The following SAMD8 variants were observed in gnomAD, a reference collection of about 807,000 sequenced individuals.
The protein encoded by SAMD8 is sphingomyelin synthase-related protein 1.
Under a neutral mutation model 42.0 loss-of-function variants are expected in SAMD8, and 20 were observed. The ratio of observed to expected loss-of-function variants is 0.48; its 90% CI spans 0.34 to 0.69. The LOEUF is 0.69. Ranked by LOEUF, SAMD8 falls within the 30% of genes least tolerant of loss-of-function variation. The pLI, the probability that SAMD8 is intolerant of heterozygous loss-of-function variation, is 0.01. For missense variants in SAMD8, 328 were observed against 511.6 expected, an observed-to-expected ratio of 0.64 and a Z score of 3.46; for synonymous variants, 162 against 173.0, an observed-to-expected ratio of 0.94 and a Z score of 0.50.
chr10:75,134,628 T>TC (rs1849344755), intron 1 of SAMD8, among the ~76,000 whole-genome samples: 1 of 148,118 alleles, frequency 6.8e-6, no homozygotes, highest in Admixed American at 6.6e-5. Flanking sequence ...GAGTGAGACT[T>TC]TCCCCCCCCC....
At position 75,168,580 on chromosome 10, in the gene SAMD8, T is replaced by A. The variant is rs764891787; in HGVS notation, c.714T>A (p.Thr238=). ...LLRRLCSLMG[T]VFLLRCFTMF... is the part of the protein sequence containing the mutation. ...GAAGGCTCTGTAGTCTGATGGGAACTGTATTCTTGCTTCGCTGCTTTACCA... is the reference window on the plus strand; with the variant it reads ...GAAGGCTCTGTAGTCTGATGGGAACAGTATTCTTGCTTCGCTGCTTTACCA... The change falls in exon 4 of 6, where the codon ACT becomes ACA. Residue 238 remains threonine, a synonymous_variant. Transcript: ENST00000542569. The A allele has an allele frequency of 6.2e-7, 1 of 1,613,992 alleles. No homozygotes were observed. Among genetic ancestry groups the A allele is most frequent in the South Asian group, 1.1e-5 (1 of 91,080 alleles).
intron 1 of SAMD8, among the ~76,000 whole-genome samples, chr10:75,117,588 G>A (rs1010209387): frequency 3.9e-5 from 6 of 152,040 alleles, no homozygotes; most frequent in East Asian, 1.9e-4. Context: ...GTGGTGGCAC[G>A]TACCTGTAAT....
intron 1 of SAMD8, among the ~76,000 whole-genome samples, chr10:75,138,643 C>A (rs768588095): frequency 6.6e-6 from 1 of 152,020 alleles, no homozygotes; most frequent in South Asian, 2.1e-4. Flanking sequence ...ATACTGAGTT[C>A]TTTTGCTCTT....
intron 2 of SAMD8, among the ~76,000 whole-genome samples, chr10:75,154,998 TCTC>T (rs576159070): frequency 6.6e-6 from 1 of 152,220 alleles, no homozygotes; most frequent in East Asian, 1.9e-4. Flanking sequence ...GCTCAAGTGA[TCTC>T]CTTCCTTAGC....
intron 1 of SAMD8, among the ~76,000 whole-genome samples, chr10:75,124,799 T>G (rs1321927972): frequency 7.3e-6 from 1 of 136,914 alleles, no homozygotes; most frequent in Non-Finnish European, 1.6e-5. Flanking sequence ...CAATTTTTCT[T>G]TCTTTTTTTC....
rs534202205 is a variant in SAMD8, at chr10:75,147,429, C to T, written c.-15-3085C>T. Among the ~76,000 whole-genome samples the T allele has an allele frequency of 1.5e-4, 23 of 152,242 alleles. No individual in the cohort carries two copies. The East Asian group carries it at 3.5e-3, about 23-fold the overall frequency. ...GCAACCTTTGCCTGCCAGGTTCAAG[C>T]GGTTCTCTGCCTCAACCTCCCTAGT... On this transcript the variant is annotated intron_variant, in intron 1 of 5. Coordinates refer to ENST00000542569, the MANE Select transcript of SAMD8 (RefSeq NM_001174156.2).
chr10:75,166,294 G>A (rs371402580), intron 3 of SAMD8, among the ~76,000 whole-genome samples: 3 of 151,782 alleles, frequency 2.0e-5, no homozygotes, highest in East Asian at 1.9e-4. Context: ...AAAAAACAAG[G>A]CATTGTAAAC....
chr10:75,168,308 C>A, intron 3 of SAMD8: 1 of 398,604 alleles, frequency 2.5e-6, no homozygotes, highest in Non-Finnish European at 3.4e-6. Context: ...ATTTCAAGTC[C>A]GTAAGATCCA....
At chr10:75,136,625 A>G (rs1839891226) in intron 1 of SAMD8, among the ~76,000 whole-genome samples, 1 of 152,190 alleles carries the variant, frequency 6.6e-6, no homozygotes, top group Admixed American at 6.6e-5. Flanking sequence ...CTTCTACTAC[A>G]ATATTTAAAT....
intron 1 of SAMD8, among the ~76,000 whole-genome samples, chr10:75,124,576 G>T (rs987049148): frequency 6.8e-6 from 1 of 146,466 alleles, no homozygotes; most frequent in African/African-American, 2.5e-5. Context: ...TGGTACCATT[G>T]CACTCCAGCC....
intron 1 of SAMD8, among the ~76,000 whole-genome samples, chr10:75,125,038 C>T (rs1849098627): frequency 6.6e-6 from 1 of 152,210 alleles, no homozygotes; most frequent in South Asian, 2.1e-4. Context: ...CCTCCCGCCT[C>T]CAGCTACCAG....
chr10:75,110,811 A>G (rs545506263), upstream of SAMD8, among the ~76,000 whole-genome samples: 16 of 152,098 alleles, frequency 1.1e-4, no homozygotes, highest in African/African-American at 3.6e-4. Flanking sequence ...CCCTTGCAGA[A>G]TTAGCACTAG....
chr10:75,112,334 A>G (rs1363399211), intron 1 of SAMD8, among the ~76,000 whole-genome samples: 1 of 152,208 alleles, frequency 6.6e-6, no homozygotes, highest in African/African-American at 2.4e-5. Flanking sequence ...ACTGAAAAAG[A>G]GAAGTGTGGT....
Position 75,102,273 on chromosome 10 carries a change from G to A in SAMD8, c.-16+2545G>A, listed in dbSNP as rs547784364. On this transcript the variant is annotated intron_variant, in intron 1 of 3. Transcript: ENST00000447533. Reference sequence around the variant, plus strand: ...GGGTGGGTCATGAGGTCAGGAGATCGAGACCATCCTGGCTAACAGGCTAGC... The same window carrying A: ...GGGTGGGTCATGAGGTCAGGAGATCAAGACCATCCTGGCTAACAGGCTAGC... Among the ~76,000 whole-genome samples, 18 of 152,154 alleles carry A rather than the reference G, an allele frequency of 1.2e-4. No homozygotes were observed. The East Asian group carries it at 2.7e-3, about 23-fold the overall frequency.
chr10:75,111,428 A>G (rs1487716123), upstream of SAMD8: 1 of 1,002,498 alleles, frequency 1.0e-6, no homozygotes, highest in East Asian at 3.4e-5. Flanking sequence ...CGTCTTTTCC[A>G]GTGTGGGCCC....
rs745478377 is a variant in SAMD8 at position 75,150,836 on chromosome 10, C to T, written c.308C>T (p.Ala103Val). The change falls in exon 2 of 6, where the codon GCT becomes GTT. Residue 103 changes from alanine (A) to valine (V), a missense_variant. Around this residue, in one of 2 missense-constraint regions of SAMD8, gnomAD observed 150 missense variants for 186.0 expected, o/e 0.81. Coordinates refer to ENST00000542569, the MANE Select transcript of SAMD8 (RefSeq NM_001174156.2). The part of the protein sequence containing the change: ...PMGSMTPFIS[A>V]LQSTDWLCNG... ...GGTTCCATGACCCCTTTCATCAGTG[C>T]TCTTCAGAGTACAGACTGGCTCTGT... The T allele has an allele frequency of 1.2e-6, 2 of 1,614,098 alleles. No individual in the cohort carries two copies. Among genetic ancestry groups the T allele is most frequent in the Non-Finnish European group, 8.5e-7 (1 of 1,179,976 alleles).
At chr10:75,160,169 A>T (rs577105655) in intron 2 of SAMD8, among the ~76,000 whole-genome samples, 1 of 152,166 alleles carries the variant, frequency 6.6e-6, no homozygotes, top group Non-Finnish European at 1.5e-5. Context: ...ATCAGTGTTC[A>T]TAGTGATGAC....
intron 1 of SAMD8, among the ~76,000 whole-genome samples, chr10:75,120,884 G>A (rs578258361): frequency 4.1e-4 from 61 of 148,000 alleles, no homozygotes; most frequent in South Asian, 4.3e-4. Flanking sequence ...AGGTTCAAGC[G>A]ATTCTCTTGC....
chr10:75,155,629 G>A (rs903678037), intron 2 of SAMD8, among the ~76,000 whole-genome samples: 23 of 152,144 alleles, frequency 1.5e-4, no homozygotes, highest in African/African-American at 4.1e-4. Context: ...AGGTTCAGGA[G>A]AGAATGTGAG....
Sources: gnomAD v4.1 joint callset for allele counts (sites outside exome capture counted in the v4.1 genomes callset) on GRCh38, gnomAD v4.1.1 for gene constraint, gnomAD v4.1.1 regional missense constraint, MANE v1.5 for transcripts, NCBI Gene and HGNC (gene_info 2026-07-23, HGNC 2026-07-21) for gene names.